VWA3B: variants seen among roughly 807,000 people sequenced by gnomAD.
The protein encoded by VWA3B is von Willebrand factor A domain-containing protein 3B.
Under a neutral mutation model 158.3 loss-of-function variants are expected in VWA3B, and 138 were observed. The ratio of observed to expected loss-of-function variants is 0.87; its 90% CI spans 0.76 to 1.00. The LOEUF is 1.00. VWA3B is among the 50% of genes least tolerant of loss of function. VWA3B has a pLI of 0.00. For synonymous variants in VWA3B, 596 were observed against 587.3 expected, an observed-to-expected ratio of 1.01 and a Z score of -0.21; for missense variants, 1,555 against 1,565.1, an observed-to-expected ratio of 0.99 and a Z score of 0.11.
At chr2:98,229,122 G>A (rs1014487227) in intron 15 of VWA3B, among the ~76,000 whole-genome samples, 2 of 152,188 alleles carry the variant, frequency 1.3e-5, no homozygotes, top group Admixed American at 1.3e-4. Flanking sequence ...TGTTATAATG[G>A]CCATCTTACA....
rs1019910727 is a variant in VWA3B, at chr2:98,151,333, T to G, written c.989-11518T>G. Among the ~76,000 whole-genome samples, 6 of 152,274 alleles carry G rather than the reference T, an allele frequency of 3.9e-5. No individual in the cohort carries two copies. The East Asian group carries it at 1.2e-3, about 29-fold the overall frequency. On this transcript the variant is annotated intron_variant, in intron 7 of 27. Transcript: ENST00000477737. ...CATCATTTTGACCAGGCTGGTCTCT[T>G]ACCTTTAGTGATCCGCCTGCCTCGG...
chr2:98,313,091 C>T lies in VWA3B; in HGVS notation c.*742C>T, dbSNP rs1319093746. The T allele has an allele frequency of 1.3e-5, 2 of 152,092 alleles. No individual in the cohort carries two copies. Among genetic ancestry groups the T allele is most frequent in the Non-Finnish European group, 2.9e-5 (2 of 68,016 alleles). The allele number at this position is 152,092 out of a possible 1,614,324, so 9.4% of individuals were successfully genotyped here. On this transcript the variant is annotated 3_prime_UTR_variant, in exon 28 of 28. Transcript: ENST00000477737. ...TTTCTAGTCGGTAAGATCCCTGAGG[C>T]TAGATGAAAATAGAGCACAGGTCAT...
intron 3 of VWA3B, among the ~76,000 whole-genome samples, chr2:98,117,403 A>G (rs1254696054): frequency 6.6e-6 from 1 of 152,204 alleles, no homozygotes; most frequent in African/African-American, 2.4e-5. Flanking sequence ...CCTGGGCTGC[A>G]TGCTGTAACC....
chr2:98,110,478 C>G (rs935820333), intron 2 of VWA3B, among the ~76,000 whole-genome samples: 1 of 152,028 alleles, frequency 6.6e-6, no homozygotes, highest in Admixed American at 6.6e-5. Flanking sequence ...TTAGGTCATT[C>G]TATGACATCT....
chr2:98,120,039 T>A (rs528690618), intron 4 of VWA3B, among the ~76,000 whole-genome samples: 55 of 152,358 alleles, frequency 3.6e-4, no homozygotes, highest in African/African-American at 1.3e-3. Flanking sequence ...TATAAGAATA[T>A]GAGTTATGGC....
At position 98,121,285 on chromosome 2, in the gene VWA3B, G is replaced by A. The variant is rs1407821038; in HGVS notation, c.543-14G>A. 1.9e-6 allele frequency: 3 copies of A among 1,610,092 alleles called. No individual in the cohort carries two copies. The highest frequency in any genetic ancestry group is 2.5e-6 in the Non-Finnish European group (3 of 1,176,582). On this transcript the variant is annotated splice_polypyrimidine_tract_variant and intron_variant, in intron 4 of 27. Coordinates refer to ENST00000477737, the MANE Select transcript of VWA3B (RefSeq NM_144992.5). ...GATCACTGCCCAGTGACCACTCCAT[G>A]TGATCCTTTTCAGGGTTTCTCAAGA...
At chr2:98,150,336 ACT>A (rs1677520613) in intron 7 of VWA3B, among the ~76,000 whole-genome samples, 1 of 152,066 alleles carries the variant, frequency 6.6e-6, no homozygotes, top group African/African-American at 2.4e-5. Context: ...CAGTGTTTTG[ACT>A]CTGACAACGT....
chr2:98,125,487 A>C lies in VWA3B; in HGVS notation c.703-2752A>C, dbSNP rs1051049642. 1.3e-5 allele frequency among the ~76,000 whole-genome samples: 2 copies of C among 152,210 alleles called. No homozygotes were observed. Among genetic ancestry groups the C allele is most frequent in the Non-Finnish European group, 2.9e-5 (2 of 68,028 alleles). The stretch of plus-strand genomic sequence containing the variant: ...TCCAAGCCTCAGTTTCTTCATCTGT[A>C]AACTGGGCATGGTAATAATTCATGC... On this transcript the variant is annotated intron_variant, in intron 5 of 27. Coordinates refer to ENST00000477737, the MANE Select transcript of VWA3B (RefSeq NM_144992.5). This position sits in a 1 kb window ranked among gnomAD's most constrained non-coding sequence, Gnocchi z 4.1.
chr2:98,204,110 G>A (rs938398446), intron 12 of VWA3B, among the ~76,000 whole-genome samples: 7 of 152,188 alleles, frequency 4.6e-5, no homozygotes, highest in Non-Finnish European at 1.0e-4. Flanking sequence ...GTGTCCATGG[G>A]GTTGGGAGTG....
intron 7 of VWA3B, among the ~76,000 whole-genome samples, chr2:98,150,702 C>T (rs1677552541): frequency 6.6e-6 from 1 of 152,240 alleles, no homozygotes; most frequent in Non-Finnish European, 1.5e-5. Context: ...TGCCTGCCTA[C>T]ATGGTGTCTG....
intron 5 of VWA3B, among the ~76,000 whole-genome samples, chr2:98,126,321 G>A (rs909833980): frequency 1.3e-5 from 2 of 152,174 alleles, no homozygotes; most frequent in African/African-American, 4.8e-5. Context: ...TGTGGTGTCA[G>A]GAGTGGCTGA....
rs763124776 is a variant in VWA3B at position 98,290,596 on chromosome 2, G to A, written c.3131G>A (p.Cys1044Tyr). The change falls in exon 23 of 28, where the codon TGT becomes TAT. Residue 1044 changes from cysteine to tyrosine, a missense_variant. Transcript: ENST00000477737. ...AAAGGACAGAAGGTTATTGCAAGAT[G>A]TGATGAAAATGGCTTTTATTTTCCA... ...PLKGQKVIAR[C>Y]DENGFYFPGV... is the part of the protein sequence containing the mutation. 1 of 1,594,964 alleles carries A rather than the reference G, an allele frequency of 6.3e-7. No individual in the cohort carries two copies. Among genetic ancestry groups the A allele is most frequent in the Non-Finnish European group, 8.5e-7 (1 of 1,174,128 alleles).
chr2:98,300,383 C>G (rs2105984439), intron 25 of VWA3B, among the ~76,000 whole-genome samples, 167 bp downstream of exon 25: 1 of 152,330 alleles, frequency 6.6e-6, no homozygotes, highest in East Asian at 1.9e-4. Context: ...ACCCTGCCCT[C>G]ACTGAGGTGG....
At chr2:98,208,562 T>A (rs898987697) in intron 12 of VWA3B, among the ~76,000 whole-genome samples, 2 of 152,174 alleles carry the variant, frequency 1.3e-5, no homozygotes, top group African/African-American at 2.4e-5. Context: ...TATTTCCTTA[T>A]ACATATATGT....
chr2:98,163,209 A>G (rs1290654371), intron 8 of VWA3B, among the ~76,000 whole-genome samples: 3 of 151,994 alleles, frequency 2.0e-5, no homozygotes, highest in Admixed American at 2.0e-4. Context: ...ATATGTGGAG[A>G]TTGTCAGTAC....
intron 12 of VWA3B, chr2:98,206,604 A>G (rs1683046038): frequency 2.5e-5 from 11 of 443,320 alleles, no homozygotes; most frequent in South Asian, 2.2e-4. Flanking sequence ...GAGCCTATTG[A>G]TGAAAGCGGT....
Position 98,311,954 on chromosome 2 carries a change from G to A in VWA3B, c.3657G>A (p.Ala1219=), listed in dbSNP as rs1265602554. ...KRPAKQPLQQ[A]APSDSDGSSH... is the part of the protein sequence containing the mutation. ...CCGCCAAGCAGCCACTCCAGCAGGC[G>A]GCGCCCTCGGACTCGGACGGCTCCT... The change falls in exon 27 of 28, where the codon GCG becomes GCA. Residue 1219 remains alanine, a synonymous_variant. Transcript: ENST00000477737. 1 of 1,606,546 alleles carries A rather than the reference G, an allele frequency of 6.2e-7. No homozygotes were observed. The highest frequency in any genetic ancestry group is 1.3e-5 in the African/African-American group (1 of 74,740).
intron 8 of VWA3B, among the ~76,000 whole-genome samples, chr2:98,173,678 T>G (rs1679778024): frequency 6.6e-6 from 1 of 152,170 alleles, no homozygotes; most frequent in Admixed American, 6.5e-5. Context: ...AAAAAATGAC[T>G]GTGGAGGGCT....
At chr2:98,161,392 G>T (rs1678564221) in intron 7 of VWA3B, among the ~76,000 whole-genome samples, 1 of 152,178 alleles carries the variant, frequency 6.6e-6, no homozygotes, top group Admixed American at 6.5e-5. Flanking sequence ...TGGGCCTTCT[G>T]GGCAGGGTGC....
Sources: gnomAD v4.1 joint callset for allele counts (sites outside exome capture counted in the v4.1 genomes callset) on GRCh38, gnomAD v4.1.1 for gene constraint, Gnocchi (gnomAD v3.1) non-coding constraint, MANE v1.5 for transcripts, NCBI Gene and HGNC (gene_info 2026-07-23, HGNC 2026-07-21) for gene names.